Variants in EMC2 observed in about 807,000 individuals in gnomAD.
EMC2 encodes the protein TPR repeat protein 35.
Under a neutral mutation model 51.6 loss-of-function variants are expected in EMC2, and 37 were observed. That is an observed-to-expected ratio of 0.72 (90% confidence interval 0.55 to 0.94). The LOEUF (loss-of-function observed/expected upper bound fraction) is 0.94. EMC2 is among the 40% of genes least tolerant of loss of function. EMC2 has a pLI of 0.00. For synonymous variants in EMC2, 131 were observed against 112.4 expected, an observed-to-expected ratio of 1.17 and a Z score of -1.04; for missense variants, 359 against 350.9, an observed-to-expected ratio of 1.02 and a Z score of -0.18.
At chr8:108,456,753 A>T (rs1279504127) in intron 5 of EMC2, among the ~76,000 whole-genome samples, 2 of 152,220 alleles carry the variant, frequency 1.3e-5, no homozygotes, top group African/African-American at 4.8e-5. Context: ...TTGCCATAAT[A>T]GATTCCCTCA....
chr8:108,456,856 T>C (rs1224300509), intron 5 of EMC2, among the ~76,000 whole-genome samples: 1 of 152,170 alleles, frequency 6.6e-6, no homozygotes, highest in Non-Finnish European at 1.5e-5. Context: ...CGCACACATA[T>C]GCCTGCTAAA....
chr8:108,485,860 T>C (rs1811128738), intron 10 of EMC2, among the ~76,000 whole-genome samples: 1 of 151,748 alleles, frequency 6.6e-6, no homozygotes, highest in Non-Finnish European at 1.5e-5. Flanking sequence ...CCAATTAGTT[T>C]TATAATGTAA....
intron 2 of EMC2, 91 bp from the exon 3 acceptor site, chr8:108,450,337 C>G: frequency 1.3e-6 from 1 of 783,822 alleles, no homozygotes; most frequent in Admixed American, 1.9e-5. Flanking sequence ...GTAATGTTCT[C>G]TAGAAATATC....
At chr8:108,462,889 A>T (rs888985127) in intron 5 of EMC2, among the ~76,000 whole-genome samples, 1 of 151,590 alleles carries the variant, frequency 6.6e-6, no homozygotes, top group Non-Finnish European at 1.5e-5. Flanking sequence ...TACAGGAGTG[A>T]GAACATCTTT....
In EMC2 at chr8:108,488,226, G is replaced by A. The variant is rs188213782; in HGVS notation, c.*1628G>A. ...GTCACCCAGGCTGGAGTGCAGTGAC[G>A]TGATCGCAGCTCACTGCAACCTCCT... On this transcript the variant is annotated 3_prime_UTR_variant, in exon 11 of 11. Coordinates refer to ENST00000220853, the MANE Select transcript of EMC2 (RefSeq NM_014673.5). Among the ~76,000 whole-genome samples the A allele has an allele frequency of 1.3e-4, 19 of 147,888 alleles. No homozygotes were observed. In the East Asian group the frequency reaches 2.2e-3, roughly 17 times the overall value.
intron 2 of EMC2, 21 bp from the exon 3 acceptor site, chr8:108,450,407 T>TC (rs777165628): frequency 4.7e-6 from 7 of 1,491,160 alleles, no homozygotes; most frequent in Middle Eastern, 3.5e-4. Flanking sequence ...TCAGTTTTTT[T>TC]CCCCCTTTAT....
At chr8:108,465,089 A>T (rs1281698341) in intron 5 of EMC2, among the ~76,000 whole-genome samples, 1 of 152,184 alleles carries the variant, frequency 6.6e-6, no homozygotes, top group Non-Finnish European at 1.5e-5. Flanking sequence ...TTTAAAATAA[A>T]AAAATGTATG....
At chr8:108,461,295 C>T (rs1255806947) in intron 5 of EMC2, among the ~76,000 whole-genome samples, 1 of 152,200 alleles carries the variant, frequency 6.6e-6, no homozygotes, top group Non-Finnish European at 1.5e-5. Context: ...ACTTCCTATT[C>T]ACATGCATTC....
rs1810736552 is a variant in EMC2 at position 108,467,050 on chromosome 8, C to CT, written c.364-2775dup. Among the ~76,000 whole-genome samples, 2 of 152,024 alleles carry CT rather than the reference C, an allele frequency of 1.3e-5. 1 individual carries two copies. The highest frequency in any genetic ancestry group is 1.3e-4 in the Admixed American group (2 of 15,266). On this transcript the variant is annotated intron_variant, in intron 5 of 10. Coordinates refer to ENST00000220853, the MANE Select transcript of EMC2 (RefSeq NM_014673.5). Reference sequence around the variant, plus strand: ...TGTAAGTCTGGGCTTTGTTTTTTGTCTATGTAAAATGAAGAGATGTAATTA... The same window carrying CT: ...TGTAAGTCTGGGCTTTGTTTTTTGTCTTATGTAAAATGAAGAGATGTAATTA...
intron 7 of EMC2, among the ~76,000 whole-genome samples, chr8:108,472,677 A>G (rs1810878079): frequency 6.6e-6 from 1 of 151,922 alleles, no homozygotes; most frequent in East Asian, 1.9e-4. Context: ...AAGTCATTAT[A>G]GGAGGCAGGA....
At chr8:108,457,532 G>A (rs960962994) in intron 5 of EMC2, among the ~76,000 whole-genome samples, 4 of 152,080 alleles carry the variant, frequency 2.6e-5, no homozygotes, top group African/African-American at 7.3e-5. Flanking sequence ...CAAAAGGCAA[G>A]GAGGAACAAG....
rs1361106217 is a variant in EMC2 at position 108,488,744 on chromosome 8, C to T, written c.*2146C>T. ...CTGAAACAGAAGTGGTAGTTTAATT[C>T]TGTATAGTCTGATTAGTACGAGGCA... On this transcript the variant is annotated 3_prime_UTR_variant, in exon 11 of 11. Coordinates refer to ENST00000220853, the MANE Select transcript of EMC2 (RefSeq NM_014673.5). 1.3e-5 allele frequency among the ~76,000 whole-genome samples: 2 copies of T among 152,136 alleles called. No homozygotes were observed. Among genetic ancestry groups the T allele is most frequent in the Non-Finnish European group, 2.9e-5 (2 of 68,018 alleles).
At chr8:108,470,889 A>G (rs901349173) in intron 7 of EMC2, 1 of 152,030 alleles carries the variant, frequency 6.6e-6, no homozygotes, top group African/African-American at 2.4e-5. Context: ...TTTCTTGTGC[A>G]TGAATATTTA....
Position 108,486,812 on chromosome 8 carries a change from T to TA in EMC2, c.*215dup. On this transcript the variant is annotated 3_prime_UTR_variant, in exon 11 of 11. Transcript: ENST00000220853. ...ATCCATGGAAGAGAGATTTAAGACT[T>TA]ATTGATTGTACATCAGTCTCTTCAT... is the stretch of plus-strand genomic sequence containing the variant. 1 of 418,564 alleles carries TA rather than the reference T, an allele frequency of 2.4e-6. No homozygotes were observed. Among genetic ancestry groups the TA allele is most frequent in the Non-Finnish European group, 4.2e-6 (1 of 239,206 alleles). The allele number at this position is 418,564 out of a possible 1,614,324, so 25.9% of individuals were successfully genotyped here. A position where few individuals can be genotyped will look rare whatever the true frequency, so the allele number is the denominator to read the frequency against.
chr8:108,460,850 G>A (rs533897147), intron 5 of EMC2, among the ~76,000 whole-genome samples: 3 of 152,278 alleles, frequency 2.0e-5, no homozygotes, highest in Admixed American at 6.5e-5. Context: ...TATTATTCTT[G>A]TATCAAACAT....
intron 5 of EMC2, among the ~76,000 whole-genome samples, chr8:108,457,805 G>A (rs968751719): frequency 2.6e-5 from 4 of 152,066 alleles, no homozygotes; most frequent in African/African-American, 9.7e-5. Flanking sequence ...CAAATCTCAT[G>A]TCCTCACATT....
intron 9 of EMC2, among the ~76,000 whole-genome samples, chr8:108,478,344 AATAC>A (rs1038299657): frequency 2.6e-5 from 4 of 152,056 alleles, no homozygotes; most frequent in African/African-American, 9.7e-5. Flanking sequence ...CGCTCATTTA[AATAC>A]ATTTTTAAAA....
chr8:108,481,562 A>T (rs921960044), intron 10 of EMC2, among the ~76,000 whole-genome samples: 3 of 152,162 alleles, frequency 2.0e-5, no homozygotes, highest in Non-Finnish European at 2.9e-5. Context: ...TGCTTTTTTG[A>T]CATAACTATT....
chr8:108,443,809 G>A (rs1818810063), intron 1 of EMC2, 111 bp downstream of exon 1: 1 of 931,514 alleles, frequency 1.1e-6, no homozygotes, highest in Non-Finnish European at 1.7e-6. Context: ...TGGTACCAGA[G>A]CCCTCACTGT....
Sources: allele counts gnomAD v4.1 joint callset (sites outside exome capture counted in the v4.1 genomes callset), GRCh38; gene constraint gnomAD v4.1.1; transcripts MANE v1.5; gene names NCBI Gene and HGNC (gene_info 2026-07-23, HGNC 2026-07-21).